Variants in CSMD1 observed in about 807,000 individuals in gnomAD.
CSMD1 encodes CUB and sushi domain-containing protein 1.
Under a neutral mutation model 417.5 loss-of-function variants are expected in CSMD1, and 213 were observed. The ratio of observed to expected loss-of-function variants is 0.51; its 90% confidence interval spans 0.46 to 0.57. The LOEUF (loss-of-function observed/expected upper bound fraction) is 0.57, where lower values mean the gene tolerates loss of function less well. Ranked by LOEUF, CSMD1 falls within the 20% of genes least tolerant of loss-of-function variation. The pLI is 0.00. For missense variants in CSMD1, 6,923 were observed against 4,529.7 expected (o/e 1.53, Z -15.17); for synonymous variants, 2,862 against 1,736.8 (o/e 1.65, Z -16.11).
intron 20 of CSMD1, among the ~76,000 whole-genome samples, chr8:3,363,323 G>A (rs571217473): frequency 6.6e-6 from 1 of 152,206 alleles, no homozygotes; most frequent in East Asian, 1.9e-4. Flanking sequence ...TACCATTGAA[G>A]GAGACAAATA....
chr8:4,179,656 A>G (rs1798246037), intron 3 of CSMD1, among the ~76,000 whole-genome samples: 1 of 152,130 alleles, frequency 6.6e-6, no homozygotes, highest in African/African-American at 2.4e-5. Flanking sequence ...ACAGAATGGG[A>G]GGAAATTTTC....
At chr8:3,423,486 A>G (rs1813625176) in intron 12 of CSMD1, among the ~76,000 whole-genome samples, 1 of 152,142 alleles carries the variant, frequency 6.6e-6, no homozygotes, top group African/African-American at 2.4e-5. Context: ...AGATTCATCC[A>G]TTTGGTTCCC....
chr8:4,644,008 G>A (rs898050681), intron 1 of CSMD1, among the ~76,000 whole-genome samples: 1 of 152,270 alleles, frequency 6.6e-6, no homozygotes, highest in East Asian at 1.9e-4. Flanking sequence ...ACACTTATGG[G>A]AGATTACTCA....
chr8:4,745,858 G>A (rs1810917052), intron 1 of CSMD1, among the ~76,000 whole-genome samples: 1 of 152,152 alleles, frequency 6.6e-6, no homozygotes, highest in South Asian at 2.1e-4. Flanking sequence ...ACACTCTGCT[G>A]TATAGAAGGG....
At chr8:3,908,154 C>G (rs367660178) in intron 5 of CSMD1, among the ~76,000 whole-genome samples, 3 of 152,208 alleles carry the variant, frequency 2.0e-5, no homozygotes, top group African/African-American at 7.2e-5. Context: ...TCACTATAAA[C>G]CTGCATTTAT....
At chr8:3,174,741 C>G (rs11136587) in intron 37 of CSMD1, among the ~76,000 whole-genome samples, 1 of 152,054 alleles carries the variant, frequency 6.6e-6, no homozygotes, top group Non-Finnish European at 1.5e-5. Context: ...TCTTAAAAAT[C>G]TAGGTGGCTG....
chr8:4,549,808 A>T (rs775253279), intron 2 of CSMD1, among the ~76,000 whole-genome samples: 13 of 150,402 alleles, frequency 8.6e-5, no homozygotes, highest in Non-Finnish European at 1.3e-4. Flanking sequence ...GAGGCAGGAG[A>T]ATCGCTTCAG....
At chr8:4,013,843 C>G (rs763263794) in intron 4 of CSMD1, among the ~76,000 whole-genome samples, 1 of 152,126 alleles carries the variant, frequency 6.6e-6, no homozygotes, top group Admixed American at 6.5e-5. Flanking sequence ...TTTTGATCTA[C>G]AGTGACAGAC....
intron 3 of CSMD1, among the ~76,000 whole-genome samples, chr8:4,152,524 CA>C (rs11460992): frequency 0.22 from 31,004 of 139,308 alleles, 3,310 homozygotes; most frequent in South Asian, 0.35. Context: ...CAGAGAGTAC[CA>C]AAAAAAAAAA....
chr8:3,350,044 T>C (rs572072897), intron 21 of CSMD1, among the ~76,000 whole-genome samples: 1 of 144,676 alleles, frequency 6.9e-6, no homozygotes, highest in Non-Finnish European at 1.5e-5. Context: ...ATAATACCTA[T>C]AATAACCTAT....
At chr8:4,194,304 A>G (rs1467324675) in intron 3 of CSMD1, among the ~76,000 whole-genome samples, 1 of 152,210 alleles carries the variant, frequency 6.6e-6, no homozygotes, top group Non-Finnish European at 1.5e-5. Flanking sequence ...TTCCCAAGTC[A>G]TTCCTATAGG....
At chr8:3,869,066 C>T (rs547410049) in intron 5 of CSMD1, among the ~76,000 whole-genome samples, 13 of 152,338 alleles carry the variant, frequency 8.5e-5, no homozygotes, top group East Asian at 7.7e-4. Flanking sequence ...GTGGCTGCCA[C>T]GCTGACATGA....
At chr8:3,604,799 G>T (rs766583520) in intron 8 of CSMD1, among the ~76,000 whole-genome samples, 8 of 152,076 alleles carry the variant, frequency 5.3e-5, no homozygotes, top group South Asian at 2.1e-4. Context: ...GTATCCAAGG[G>T]CATCAACGTG....
intron 1 of CSMD1, among the ~76,000 whole-genome samples, chr8:4,757,241 G>C (rs867335328): frequency 1.3e-5 from 2 of 152,144 alleles, no homozygotes; most frequent in African/African-American, 4.8e-5. Flanking sequence ...AAAACAACTT[G>C]CAATTGACTA....
chr8:4,122,341 A>G (rs149603673), intron 3 of CSMD1, among the ~76,000 whole-genome samples: 225 of 152,302 alleles, frequency 1.5e-3, no homozygotes, highest in African/African-American at 5.2e-3. Context: ...TTAACCCAAG[A>G]AGAAATAGGA....
At chr8:3,394,015 TATATATATATATATATATA>T (rs1563342250) in intron 17 of CSMD1, among the ~76,000 whole-genome samples, 9 of 43,964 alleles carry the variant, frequency 2.0e-4, no homozygotes, top group African/African-American at 5.8e-4. Flanking sequence ...AAATAAATTA[TATATATATATATATATATA>T]TATATATATA....
chr8:2,988,814 G>C (rs140195927), intron 54 of CSMD1, among the ~76,000 whole-genome samples: 4 of 152,292 alleles, frequency 2.6e-5, no homozygotes, highest in South Asian at 2.1e-4. Flanking sequence ...TGCAGGGCTG[G>C]ATAGAGCTGC....
At chr8:4,002,827 A>T (rs913088277) in intron 4 of CSMD1, among the ~76,000 whole-genome samples, 1 of 152,226 alleles carries the variant, frequency 6.6e-6, no homozygotes, top group African/African-American at 2.4e-5. Flanking sequence ...CCTCATACAA[A>T]ATACCTGTTA....
At chr8:3,918,865 G>C (rs1809018268) in intron 5 of CSMD1, among the ~76,000 whole-genome samples, 3 of 152,022 alleles carry the variant, frequency 2.0e-5, no homozygotes, top group South Asian at 4.1e-4. Flanking sequence ...AATGGACTTT[G>C]GGGACTTGTG....
Sources: allele counts gnomAD v4.1 joint callset (sites outside exome capture counted in the v4.1 genomes callset), GRCh38; gene constraint gnomAD v4.1.1; transcripts MANE v1.5; gene names NCBI Gene and HGNC (gene_info 2026-07-23, HGNC 2026-07-21).